Variants in FGF13 observed in about 807,000 individuals in gnomAD.
The protein encoded by FGF13 is fibroblast growth factor 13, also known as fibroblast growth factor homologous factor 2.
In FGF13, 2 loss-of-function variants were observed where a neutral mutation model predicts 19.5. That is an observed-to-expected ratio of 0.10 (90% CI 0.04 to 0.32). FGF13 has a LOEUF of 0.32. FGF13 is among the 10% of genes least tolerant of loss of function. The probability of loss-of-function intolerance (pLI) is 1.00; values close to 1 mark genes in which losing one functional copy is unlikely to be tolerated. For missense variants in FGF13, 113 were observed against 192.7 expected (o/e 0.59, Z 2.45); for synonymous variants, 72 against 76.9 (o/e 0.94, Z 0.33).
At chrX:138,929,692 A>G (rs2091691721) in intron 1 of FGF13, among the ~76,000 whole-genome samples, 2 of 110,890 alleles carry the variant, frequency 1.8e-5, no homozygotes, top group Non-Finnish European at 3.8e-5. Context: ...TGCCTAAAAT[A>G]TACCCCCATT....
In FGF13 at chrX:138,799,257, G is replaced by A. The variant is rs1292077032; in HGVS notation, c.217+58255C>T. Among the ~76,000 whole-genome samples the A allele has an allele frequency of 2.7e-5, 3 of 111,749 alleles. No individual in the cohort carries two copies. In the East Asian group the frequency reaches 8.4e-4, roughly 31 times the overall value. On this transcript the variant is annotated intron_variant, in intron 3 of 6. Transcript: ENST00000436198. ...TGTGTCCCAGAGATTCTGGAAGATTGTCTCTTTGTTCTCTTTGGTTTCAAA... is the reference window on the plus strand; with the variant it reads ...TGTGTCCCAGAGATTCTGGAAGATTATCTCTTTGTTCTCTTTGGTTTCAAA...
At chrX:139,072,782 G>T (rs1198864935) in intron 1 of FGF13, among the ~76,000 whole-genome samples, 1 of 111,479 alleles carries the variant, frequency 9.0e-6, no homozygotes, top group Non-Finnish European at 1.9e-5. Context: ...AGAAAATTTG[G>T]AGCTGTTATC....
chrX:139,199,933 G>A (rs977446245), intron 1 of FGF13, among the ~76,000 whole-genome samples: 3 of 112,234 alleles, frequency 2.7e-5, no homozygotes, highest in South Asian at 3.7e-4. Context: ...GAAGCTACAC[G>A]CTGCTACAAA....
At chrX:139,169,309 G>T (rs1430331011) in intron 1 of FGF13, among the ~76,000 whole-genome samples, 1 of 111,580 alleles carries the variant, frequency 9.0e-6, no homozygotes, top group East Asian at 2.8e-4. Flanking sequence ...TTAGAAAAAG[G>T]TAATCCCTCT....
Position 139,199,930 on chromosome X carries a change from C to T in FGF13, c.-113+3486G>A, listed in dbSNP as rs774389528. The stretch of plus-strand genomic sequence containing the variant: ...TTAGCCTTTGTCAATAAAGAAGCTA[C>T]ACGCTGCTACAAATAATTATGAAGA... On this transcript the variant is annotated intron_variant, in intron 1 of 2. Transcript: ENST00000421460. 8.9e-5 allele frequency among the ~76,000 whole-genome samples: 10 copies of T among 112,569 alleles called. No homozygotes were observed. The South Asian group carries it at 3.7e-3, about 41-fold the overall frequency.
intron 1 of FGF13, among the ~76,000 whole-genome samples, chrX:138,997,518 G>A (rs773785605): frequency 8.9e-6 from 1 of 111,801 alleles, no homozygotes; most frequent in Admixed American, 9.5e-5. Context: ...AACGCAGCAC[G>A]AGAACTTCGA....
rs756185932 is a variant in FGF13, at chrX:138,867,092, T to A, written c.-112-2442A>T. Reference sequence around the variant, plus strand: ...AAACAAGATAATGTGGGTGGGAGCATCCAGCATAGTGCCTACCCCATGATA... The same window carrying A: ...AAACAAGATAATGTGGGTGGGAGCAACCAGCATAGTGCCTACCCCATGATA... On this transcript the variant is annotated intron_variant, in intron 1 of 2. Coordinates refer to the FGF13 transcript ENST00000421460. Among the ~76,000 whole-genome samples, 4 of 111,053 alleles carry A rather than the reference T, an allele frequency of 3.6e-5. No homozygotes were observed. The South Asian group carries it at 1.6e-3, about 44-fold the overall frequency.
intron 3 of FGF13, among the ~76,000 whole-genome samples, chrX:138,778,853 C>A (rs1041843247): frequency 8.9e-6 from 1 of 112,702 alleles, no homozygotes; most frequent in Non-Finnish European, 1.9e-5. Flanking sequence ...TAGGCTCCAC[C>A]TCTGGGGGCA....
At chrX:138,747,234 G>A (rs1185389648) in intron 3 of FGF13, among the ~76,000 whole-genome samples, 1 of 112,041 alleles carries the variant, frequency 8.9e-6, no homozygotes, top group Non-Finnish European at 1.9e-5. Context: ...GGGCCAATGT[G>A]TAGGTGGCTC....
intron 1 of FGF13, among the ~76,000 whole-genome samples, chrX:139,080,400 C>G (rs779559974): frequency 1.2e-4 from 13 of 111,877 alleles, no homozygotes; most frequent in Admixed American, 2.9e-4. Flanking sequence ...GAAGTATTAT[C>G]TGTCATGTTA....
intron 1 of FGF13, among the ~76,000 whole-genome samples, chrX:138,965,610 C>G (rs2091891688): frequency 8.9e-6 from 1 of 111,734 alleles, no homozygotes; most frequent in Admixed American, 9.5e-5. Flanking sequence ...CAGGGAGGTT[C>G]CAGAATGATT....
At chrX:139,162,334 T>C (rs1404844618) in intron 1 of FGF13, among the ~76,000 whole-genome samples, 2 of 112,349 alleles carry the variant, frequency 1.8e-5, no homozygotes, top group African/African-American at 6.5e-5. Context: ...TTGGGAAAAC[T>C]GGCTAGCCAT....
chrX:138,778,608 C>A (rs1212127205), intron 3 of FGF13, among the ~76,000 whole-genome samples: 1 of 112,429 alleles, frequency 8.9e-6, no homozygotes, highest in Admixed American at 9.4e-5. Context: ...GCTTTTCCGA[C>A]AGGCTTAAAA....
At chrX:139,001,864 A>T (rs2092074911) in intron 1 of FGF13, among the ~76,000 whole-genome samples, 1 of 112,103 alleles carries the variant, frequency 8.9e-6, no homozygotes, top group Non-Finnish European at 1.9e-5. Context: ...ATTATAAATC[A>T]TTCTACTGTA....
intron 1 of FGF13, among the ~76,000 whole-genome samples, chrX:139,179,146 C>G (rs1328359512): frequency 8.9e-6 from 1 of 111,811 alleles, no homozygotes; most frequent in Non-Finnish European, 1.9e-5. Context: ...TTCCATGATA[C>G]TGCCTATTAC....
intron 1 of FGF13, among the ~76,000 whole-genome samples, chrX:139,065,924 A>T (rs2092354853): frequency 9.0e-6 from 1 of 111,616 alleles, no homozygotes; most frequent in Admixed American, 9.5e-5. Flanking sequence ...AATTGGAAGT[A>T]AAACACTCCT....
intron 1 of FGF13, among the ~76,000 whole-genome samples, chrX:139,163,785 A>G (rs1430014135): frequency 9.0e-6 from 1 of 111,571 alleles, no homozygotes; most frequent in Non-Finnish European, 1.9e-5. Context: ...TTTCTATCAA[A>G]TGAATTCAAC....
rs752351396 is a variant in FGF13, at chrX:138,906,022, A to C, written c.-112-41372T>G. 8.3e-3 allele frequency among the ~76,000 whole-genome samples: 928 copies of C among 111,568 alleles called. 5 individuals are homozygous for C. Among genetic ancestry groups the C allele is most frequent in the Non-Finnish European group, 0.013 (702 of 53,134 alleles). ...AACATCCATCTCATATGGTCATTTT[A>C]TCGAAAGAGTTTTACAGGGCCAGGT... On this transcript the variant is annotated intron_variant, in intron 1 of 2. Coordinates refer to the FGF13 transcript ENST00000421460.
intron 3 of FGF13, among the ~76,000 whole-genome samples, chrX:138,830,436 A>C (rs771364560): frequency 8.9e-6 from 1 of 111,938 alleles, no homozygotes; most frequent in South Asian, 3.7e-4. Context: ...ATAATTTTAA[A>C]AAACTTGGCA....
Sources: gnomAD v4.1 joint callset for allele counts (sites outside exome capture counted in the v4.1 genomes callset) on GRCh38, gnomAD v4.1.1 for gene constraint, MANE v1.5 for transcripts, NCBI Gene and HGNC (gene_info 2026-07-23, HGNC 2026-07-21) for gene names.